Variants in ATXN1 observed in about 807,000 individuals in gnomAD.
ATXN1 encodes the protein ataxin 1, also known as ataxin-1.
Under a neutral mutation model 56.4 loss-of-function variants are expected in ATXN1, and 8 were observed. The observed-to-expected ratio is 0.14, with a 90% CI of 0.08 to 0.26. The LOEUF (loss-of-function observed/expected upper bound fraction) is 0.26, where lower values mean the gene tolerates loss of function less well. Ranked by LOEUF, ATXN1 falls within the 10% of genes least tolerant of loss-of-function variation. ATXN1 has a pLI of 1.00. For missense variants in ATXN1, 987 were observed against 1,106.5 expected (o/e 0.89, Z 1.53); for synonymous variants, 514 against 494.6 (o/e 1.04, Z -0.52).
In ATXN1 at chr6:16,755,161, T is replaced by C. The variant is rs148294029; in HGVS notation, c.-729-1814A>G. ...TAGTTTGCTGAAGTGCAGAGGAGGG[T>C]CAAACATGATGTAAATGCCATAGAA... is the stretch of plus-strand genomic sequence containing the variant. On this transcript the variant is annotated intron_variant, in intron 1 of 7. Transcript: ENST00000436367. 1.1e-4 allele frequency among the ~76,000 whole-genome samples: 16 copies of C among 152,182 alleles called. No homozygotes were observed. In the East Asian group the frequency reaches 3.1e-3, roughly 29 times the overall value.
At chr6:16,623,187 G>C (rs182252879) in intron 3 of ATXN1, among the ~76,000 whole-genome samples, 1 of 152,118 alleles carries the variant, frequency 6.6e-6, no homozygotes, top group African/African-American at 2.4e-5. Context: ...TCCATGTCTC[G>C]TGGTATACAG....
rs1760233371 is a variant in ATXN1 at position 16,305,874 on chromosome 6, G to C, written c.*455C>G. On this transcript the variant is annotated 3_prime_UTR_variant, in exon 8 of 8. Coordinates refer to ENST00000436367, the MANE Select transcript of ATXN1 (RefSeq NM_001128164.2). ...CCCCCCCGGCCCATGCCGATAGCAAGAGAGTGAGGCAGAGGGAGGCAGAGA... is the reference window on the plus strand; with the variant it reads ...CCCCCCCGGCCCATGCCGATAGCAACAGAGTGAGGCAGAGGGAGGCAGAGA... 1.3e-5 allele frequency: 2 copies of C among 157,172 alleles called. No homozygotes were observed. The highest frequency in any genetic ancestry group is 4.8e-5 in the African/African-American group (2 of 41,488). 9.7% of individuals were successfully genotyped at this position (157,172 alleles called of 1,614,324 possible). A position where few individuals can be genotyped will look rare whatever the true frequency, so the allele number is the denominator to read the frequency against.
chr6:16,567,806 A>T lies in ATXN1; in HGVS notation c.-361+17974T>A, dbSNP rs146281479. Among the ~76,000 whole-genome samples, 20 of 152,366 alleles carry T rather than the reference A, an allele frequency of 1.3e-4. No homozygotes were observed. The Middle Eastern group carries it at 0.017, about 130-fold the overall frequency. ...AGCTTAGAAATAAACAAGGTGTGTA[A>T]ACTGCAAATTGGTTCCACAGAGCAA... On this transcript the variant is annotated intron_variant, in intron 4 of 7. Coordinates refer to ENST00000436367, the MANE Select transcript of ATXN1 (RefSeq NM_001128164.2).
At position 16,447,284 on chromosome 6, in the gene ATXN1, G is replaced by T. The variant is rs145802160; in HGVS notation, c.-161+38688C>A. 3.4e-4 allele frequency among the ~76,000 whole-genome samples: 52 copies of T among 152,206 alleles called. No individual in the cohort carries two copies. In the East Asian group the frequency reaches 9.8e-3, roughly 29 times the overall value. The stretch of plus-strand genomic sequence containing the variant: ...CTGTCACCCACGTTAGAGTGCAGTG[G>T]CATGATCTCAGCATACTGCAACCTT... On this transcript the variant is annotated intron_variant, in intron 6 of 7. Transcript: ENST00000436367.
intron 2 of ATXN1, among the ~76,000 whole-genome samples, chr6:16,663,251 G>C (rs1758359175): frequency 6.6e-6 from 1 of 152,174 alleles, no homozygotes; most frequent in Non-Finnish European, 1.5e-5. Flanking sequence ...TTACAGGCAG[G>C]AGCCACCGTG....
intron 2 of ATXN1, among the ~76,000 whole-genome samples, chr6:16,696,328 A>AATTATGAGCC (rs1759165059): frequency 6.6e-6 from 1 of 152,232 alleles, no homozygotes. Flanking sequence ...CATCGAGAAG[A>AATTATGAGCC]ATTATGAGCT....
At chr6:16,614,603 T>C (rs536096352) in intron 3 of ATXN1, among the ~76,000 whole-genome samples, 94 of 151,812 alleles carry the variant, frequency 6.2e-4, no homozygotes, top group African/African-American at 1.9e-3. Context: ...GCCAATATTA[T>C]ATTAAAAGTT....
intron 5 of ATXN1, among the ~76,000 whole-genome samples, chr6:16,499,675 C>A (rs1760845180): frequency 6.6e-6 from 1 of 152,106 alleles, no homozygotes; most frequent in African/African-American, 2.4e-5. Flanking sequence ...AAGATTGGCT[C>A]TTTGGAGAAA....
intron 6 of ATXN1, among the ~76,000 whole-genome samples, chr6:16,349,631 T>C (rs908219432): frequency 6.6e-6 from 1 of 152,210 alleles, no homozygotes; most frequent in African/African-American, 2.4e-5. Context: ...CATTAAAAGT[T>C]TCCCTGCCTC....
chr6:16,345,068 T>C (rs919881907), intron 6 of ATXN1, among the ~76,000 whole-genome samples: 1 of 152,236 alleles, frequency 6.6e-6, no homozygotes, highest in Admixed American at 6.5e-5. Flanking sequence ...CTCTTGCAGT[T>C]TGTCTTCCTT....
In ATXN1 at chr6:16,490,161, A is replaced by G. The variant is rs183272273; in HGVS notation, c.-298-4052T>C. ...AAAAAAAAAAAAAAAACCAAAAACC[A>G]AACAACAAAAAACTTCACACACTAT... On this transcript the variant is annotated intron_variant, in intron 5 of 7. Coordinates refer to ENST00000436367, the MANE Select transcript of ATXN1 (RefSeq NM_001128164.2). 9.9e-3 allele frequency among the ~76,000 whole-genome samples: 1,501 copies of G among 151,548 alleles called. 7 individuals are homozygous for G. Among genetic ancestry groups the G allele is most frequent in the Non-Finnish European group, 0.017 (1,161 of 67,838 alleles).
chr6:16,455,914 G>T (rs753054489), intron 6 of ATXN1, among the ~76,000 whole-genome samples: 35 of 152,010 alleles, frequency 2.3e-4, no homozygotes, highest in Non-Finnish European at 4.0e-4. Flanking sequence ...ACCAATCAAC[G>T]CTCTGTAAAA....
At chr6:16,549,099 T>A (rs527924453) in intron 4 of ATXN1, among the ~76,000 whole-genome samples, 2 of 152,080 alleles carry the variant, frequency 1.3e-5, no homozygotes, top group African/African-American at 4.8e-5. Flanking sequence ...ATGACAACAG[T>A]GCCTTCTTCT....
chr6:16,661,354 T>C (rs78569047), intron 2 of ATXN1, among the ~76,000 whole-genome samples: 4,059 of 152,190 alleles, frequency 0.027, 81 homozygotes, highest in South Asian at 0.076. Flanking sequence ...AAAGGCCTTG[T>C]AGGCCATTGT....
chr6:16,412,706 C>G (rs1405410011), intron 6 of ATXN1, among the ~76,000 whole-genome samples: 1 of 152,180 alleles, frequency 6.6e-6, no homozygotes, highest in Non-Finnish European at 1.5e-5. Flanking sequence ...TACGCAAAAT[C>G]CAAACTCAAT....
intron 6 of ATXN1, among the ~76,000 whole-genome samples, chr6:16,353,488 C>T (rs558409777): frequency 3.3e-5 from 5 of 152,208 alleles, no homozygotes; most frequent in Non-Finnish European, 5.9e-5. Flanking sequence ...GCCTGGCCAA[C>T]ATGCCAAAAC....
chr6:16,311,855 ACT>A (rs931666055), intron 7 of ATXN1, among the ~76,000 whole-genome samples: 11 of 152,128 alleles, frequency 7.2e-5, no homozygotes. Context: ...GTCTCGTAAG[ACT>A]CTCTACCAGA....
intron 3 of ATXN1, among the ~76,000 whole-genome samples, chr6:16,656,073 A>G (rs1758194827): frequency 6.9e-6 from 1 of 145,790 alleles, no homozygotes; most frequent in Non-Finnish European, 1.5e-5. Flanking sequence ...CTGGTGACAG[A>G]GCAAGACTCC....
intron 6 of ATXN1, among the ~76,000 whole-genome samples, chr6:16,426,722 A>T (rs1263228372): frequency 6.6e-6 from 1 of 151,920 alleles, no homozygotes; most frequent in African/African-American, 2.4e-5. Flanking sequence ...CCCCATTTGT[A>T]CATCTCTGTC....
Sources: gnomAD v4.1 joint callset for allele counts (sites outside exome capture counted in the v4.1 genomes callset) on GRCh38, gnomAD v4.1.1 for gene constraint, MANE v1.5 for transcripts, NCBI Gene and HGNC (gene_info 2026-07-23, HGNC 2026-07-21) for gene names.